CHST12: variants seen among roughly 807,000 people sequenced by gnomAD.
The protein encoded by CHST12 is carbohydrate sulfotransferase 12.
CHST12 carries 23 observed loss-of-function variants against 27.9 expected under a neutral mutation model. That is an observed-to-expected ratio of 0.82 (90% confidence interval 0.59 to 1.17). CHST12 has a LOEUF of 1.17. Ranked by LOEUF, CHST12 falls within the 50% of genes most tolerant of loss-of-function variation. CHST12 has a pLI of 0.00. For synonymous variants in CHST12, 322 were observed against 273.0 expected (o/e 1.18, Z -1.77); for missense variants, 682 against 603.0 (o/e 1.13, Z -1.37).
rs1481058766 is a variant in CHST12, at chr7:2,439,434, CAG to C, written c.*5553_*5554del. The C allele has an allele frequency of 2.0e-5, 3 of 149,956 alleles. No individual in the cohort carries two copies. The highest frequency in any genetic ancestry group is 3.0e-5 in the Non-Finnish European group (2 of 67,572). The allele number at this position is 149,956 out of a possible 1,614,324, so 9.3% of individuals were successfully genotyped here. On this transcript the variant is annotated 3_prime_UTR_variant, in exon 2 of 2. Coordinates refer to ENST00000618655, the MANE Select transcript of CHST12 (RefSeq NM_018641.5). ...ATAATTTGTTCTTTTTTTTTTTTGA[CAG>C]AGTTTCTTTCTGTCATCCAGGCTGG...
At chr7:2,432,000 T>A (rs1488591294) in intron 1 of CHST12, among the ~76,000 whole-genome samples, 1 of 151,652 alleles carries the variant, frequency 6.6e-6, no homozygotes, top group African/African-American at 2.4e-5. Flanking sequence ...TGGCTATGGT[T>A]TATTATAGGA....
At position 2,441,238 on chromosome 7, in the gene CHST12, G is replaced by A. The variant is rs377041623; in HGVS notation, c.*7354G>A. 4 of 152,378 alleles carry A rather than the reference G, an allele frequency of 2.6e-5. No homozygotes were observed. The East Asian group carries it at 5.8e-4, about 22-fold the overall frequency. The allele number at this position is 152,378 out of a possible 1,614,324, so 9.4% of individuals were successfully genotyped here. The stretch of plus-strand genomic sequence containing the variant: ...CTAGATGGGGGAGGGAGACAACAGA[G>A]CTGCCACCTGCTCACCGCAGACCCA... On this transcript the variant is annotated 3_prime_UTR_variant, in exon 2 of 2. Coordinates refer to ENST00000618655, the MANE Select transcript of CHST12 (RefSeq NM_018641.5).
intron 1 of CHST12, among the ~76,000 whole-genome samples, chr7:2,409,625 GA>G (rs60865098): frequency 0.81 from 118,866 of 146,020 alleles, 47,989 homozygotes; most frequent in East Asian, 0.93. Flanking sequence ...CTGTCTCAAA[GA>G]AAAAAAAAAA....
intron 1 of CHST12, among the ~76,000 whole-genome samples, chr7:2,424,580 A>C (rs560288678): frequency 1.3e-5 from 2 of 152,256 alleles, no homozygotes; most frequent in South Asian, 2.1e-4. Flanking sequence ...ACTCCCGGGC[A>C]ATCCGCCTGT....
rs992531047 is a variant in CHST12, at chr7:2,423,628, T to G, written c.-77-8935T>G. On this transcript the variant is annotated intron_variant, in intron 1 of 1. Coordinates refer to ENST00000618655, the MANE Select transcript of CHST12 (RefSeq NM_018641.5). ...TGGGCTTCTCTGCCTCCATCAGGCATGCTGAGCTCTGTGGGTCCAGGAAGC... is the reference window on the plus strand; with the variant it reads ...TGGGCTTCTCTGCCTCCATCAGGCAGGCTGAGCTCTGTGGGTCCAGGAAGC... 2.0e-5 allele frequency among the ~76,000 whole-genome samples: 3 copies of G among 152,200 alleles called. No individual in the cohort carries two copies. The South Asian group carries it at 6.2e-4, about 31-fold the overall frequency.
At chr7:2,413,832 G>C (rs997390479) in intron 1 of CHST12, among the ~76,000 whole-genome samples, 1 of 148,368 alleles carries the variant, frequency 6.7e-6, no homozygotes, top group Non-Finnish European at 1.5e-5. Flanking sequence ...GGGTTCAAGT[G>C]ATTCTCCTGC....
intron 1 of CHST12, among the ~76,000 whole-genome samples, chr7:2,414,778 C>T (rs933366544): frequency 2.6e-5 from 4 of 152,264 alleles, no homozygotes; most frequent in Non-Finnish European, 4.4e-5. Context: ...GGCCATGATC[C>T]ATTGTGAGTT....
rs1203405116 is a variant in CHST12 at position 2,427,582 on chromosome 7, C to CA, written c.-77-4981_-77-4980insA. ...TTGGGCCTTCCATCTGCCACCCCCC[C>CA]CTACAGAGATGATAGAAAAATGGTA... On this transcript the variant is annotated intron_variant, in intron 1 of 1. Coordinates refer to ENST00000618655, the MANE Select transcript of CHST12 (RefSeq NM_018641.5). 1.8e-4 allele frequency among the ~76,000 whole-genome samples: 27 copies of CA among 152,078 alleles called. No individual in the cohort carries two copies. In the East Asian group the frequency reaches 3.5e-3, roughly 20 times the overall value.
At chr7:2,408,504 A>G (rs748813393) in intron 1 of CHST12, among the ~76,000 whole-genome samples, 2 of 152,214 alleles carry the variant, frequency 1.3e-5, no homozygotes, top group Non-Finnish European at 2.9e-5. Context: ...AGGTTAGAAC[A>G]TGTGGAAAAA....
At position 2,437,524 on chromosome 7, in the gene CHST12, G is replaced by A. The variant is rs990023685; in HGVS notation, c.*3640G>A. The A allele has an allele frequency of 6.6e-6, 1 of 152,224 alleles. No individual in the cohort carries two copies. Among genetic ancestry groups the A allele is most frequent in the Non-Finnish European group, 1.5e-5 (1 of 68,052 alleles). 9.4% of individuals were successfully genotyped at this position (152,224 alleles called of 1,614,324 possible). A position where few individuals can be genotyped will look rare whatever the true frequency, so the allele number is the denominator to read the frequency against. ...CAGTGGATATTTAGTGGAGTTTGCT[G>A]TAGTGCTTTTGCCATTTATTTGGAC... On this transcript the variant is annotated 3_prime_UTR_variant, in exon 2 of 2. Coordinates refer to ENST00000618655, the MANE Select transcript of CHST12 (RefSeq NM_018641.5).
chr7:2,425,452 A>C (rs2969073), intron 1 of CHST12, among the ~76,000 whole-genome samples: 25,529 of 152,074 alleles, frequency 0.17, 2,508 homozygotes, highest in African/African-American at 0.28. Flanking sequence ...AAAAGGGCCT[A>C]TGAGATGGCC....
intron 1 of CHST12, among the ~76,000 whole-genome samples, chr7:2,407,672 C>A (rs1347040597): frequency 6.6e-6 from 1 of 152,086 alleles, no homozygotes; most frequent in Non-Finnish European, 1.5e-5. Flanking sequence ...TGTGGTGGCT[C>A]ATGCCTGTAA....
Position 2,440,383 on chromosome 7 carries a change from G to A in CHST12, c.*6499G>A, listed in dbSNP as rs1554282974. On this transcript the variant is annotated 3_prime_UTR_variant, in exon 2 of 2. Coordinates refer to ENST00000618655, the MANE Select transcript of CHST12 (RefSeq NM_018641.5). ...TGTGCAAGTGTGCGTGCAAGTGTGA[G>A]TCTGCACTTGTGTGCAAGAGAATGT... The A allele has an allele frequency of 1.3e-5, 2 of 154,218 alleles. No homozygotes were observed. The highest frequency in any genetic ancestry group is 2.9e-5 in the Non-Finnish European group (2 of 68,280). The allele number at this position is 154,218 out of a possible 1,614,324, so 9.6% of individuals were successfully genotyped here.
At chr7:2,416,753 G>C (rs903444604) in intron 1 of CHST12, among the ~76,000 whole-genome samples, 1 of 152,220 alleles carries the variant, frequency 6.6e-6, no homozygotes, top group Non-Finnish European at 1.5e-5. Flanking sequence ...AGGAGGGGAA[G>C]AGGGGAAGAA....
intron 1 of CHST12, among the ~76,000 whole-genome samples, chr7:2,428,972 G>GC (rs531642079): frequency 9.9e-5 from 15 of 152,214 alleles, no homozygotes; most frequent in African/African-American, 2.4e-4. Context: ...ATGGACAGGC[G>GC]CCCCCCATGC....
At chr7:2,416,533 A>G (rs1020466636) in intron 1 of CHST12, among the ~76,000 whole-genome samples, 2 of 152,220 alleles carry the variant, frequency 1.3e-5, no homozygotes, top group Non-Finnish European at 2.9e-5. Context: ...TAATAATAAG[A>G]CCTAAAAGTC....
At chr7:2,426,752 A>T (rs1172729668) in intron 1 of CHST12, among the ~76,000 whole-genome samples, 1 of 151,976 alleles carries the variant, frequency 6.6e-6, no homozygotes, top group African/African-American at 2.4e-5. Context: ...AGCACTTTGG[A>T]GGCCGAGGAA....
At position 2,446,404 on chromosome 7, in the gene CHST12, G is replaced by C. The variant is rs1380675439; in HGVS notation, c.*12520G>C. 1 of 152,806 alleles carries C rather than the reference G, an allele frequency of 6.5e-6. No individual in the cohort carries two copies. The highest frequency in any genetic ancestry group is 1.5e-5 in the Non-Finnish European group (1 of 68,160). The allele number at this position is 152,806 out of a possible 1,614,324, so 9.5% of individuals were successfully genotyped here. ...AGGAAAAACCTCTCCAGCCCAGCGC[G>C]TGGCCTGGCATTAACCCACTGCAGC... is the stretch of plus-strand genomic sequence containing the variant. On this transcript the variant is annotated 3_prime_UTR_variant, in exon 2 of 2. Coordinates refer to ENST00000618655, the MANE Select transcript of CHST12 (RefSeq NM_018641.5).
In CHST12 at chr7:2,433,506, C is replaced by G; in HGVS notation, c.867C>G (p.Arg289=). The G allele has an allele frequency of 6.2e-7, 1 of 1,612,338 alleles. No homozygotes were observed. Among genetic ancestry groups the G allele is most frequent in the Non-Finnish European group, 8.5e-7 (1 of 1,179,904 alleles). The change falls in exon 2 of 2, where the codon CGC becomes CGG. Residue 289 remains arginine, a synonymous_variant. Coordinates refer to ENST00000618655, the MANE Select transcript of CHST12 (RefSeq NM_018641.5). The surrounding 1 kb of genome is among the most constrained non-coding windows in gnomAD (Gnocchi z 6.1). ...ACACCAGCCTGCCCGCCTCGGCGCG[C>G]GAGGCCTTCCGCGCTGGCCTCAAGG... is the stretch of plus-strand genomic sequence containing the variant. ...ANHTSLPASA[R]EAFRAGLKVS... is the part of the protein sequence containing the mutation.
Sources: gnomAD v4.1 joint callset for allele counts (sites outside exome capture counted in the v4.1 genomes callset) on GRCh38, gnomAD v4.1.1 for gene constraint, Gnocchi (gnomAD v3.1) non-coding constraint, MANE v1.5 for transcripts, NCBI Gene and HGNC (gene_info 2026-07-23, HGNC 2026-07-21) for gene names.